SLC5A1: variants seen among roughly 807,000 people sequenced by gnomAD.
SLC5A1 encodes solute carrier family 5 member 1, also known as sodium/glucose cotransporter 1.
In SLC5A1, 42 loss-of-function variants were observed where a neutral mutation model predicts 73.5. That is an observed-to-expected ratio of 0.57 (90% CI 0.45 to 0.74). The LOEUF (loss-of-function observed/expected upper bound fraction) is 0.74, where lower values mean the gene tolerates loss of function less well. Ranked by LOEUF, SLC5A1 falls within the 30% of genes least tolerant of loss-of-function variation. The pLI, the probability that SLC5A1 is intolerant of heterozygous loss-of-function variation, is 0.00. For missense variants in SLC5A1, 634 were observed against 855.4 expected (o/e 0.74, Z 3.23); for synonymous variants, 300 against 317.4 (o/e 0.95, Z 0.58).
intron 1 of SLC5A1, among the ~76,000 whole-genome samples, chr22:32,048,389 G>A (rs2093939933): frequency 6.6e-6 from 1 of 152,172 alleles, no homozygotes; most frequent in African/African-American, 2.4e-5. Flanking sequence ...TCTGTGGGAG[G>A]AGCTGGTCAT....
At chr22:32,092,021 T>C (rs534952977) in intron 11 of SLC5A1, among the ~76,000 whole-genome samples, 1 of 152,320 alleles carries the variant, frequency 6.6e-6, no homozygotes, top group East Asian at 1.9e-4. Flanking sequence ...TAGTGGTGAT[T>C]TGTGAGATTT....
Position 32,066,654 on chromosome 22 carries a change from A to T in SLC5A1, c.208-281A>T, listed in dbSNP as rs540391874. 4.6e-5 allele frequency among the ~76,000 whole-genome samples: 7 copies of T among 152,334 alleles called. No homozygotes were observed. The East Asian group carries it at 1.3e-3, about 29-fold the overall frequency. Reference sequence around the variant, plus strand: ...TGGGACTTCCCATATCTTCTTCAGGATTGGACACGGGGCCCACAAAAGACT... The same window carrying T: ...TGGGACTTCCCATATCTTCTTCAGGTTTGGACACGGGGCCCACAAAAGACT... On this transcript the variant is annotated intron_variant, in intron 2 of 14. Transcript: ENST00000266088.
intron 5 of SLC5A1, among the ~76,000 whole-genome samples, chr22:32,073,398 T>G (rs2093985755): frequency 1.3e-5 from 2 of 152,190 alleles, no homozygotes; most frequent in African/African-American, 4.8e-5. Flanking sequence ...GTCTTGGAGT[T>G]GGGGCCAACA....
At chr22:32,090,828 G>A (rs2094016072) in intron 10 of SLC5A1, among the ~76,000 whole-genome samples, 1 of 151,982 alleles carries the variant, frequency 6.6e-6, no homozygotes, top group Admixed American at 6.5e-5. Context: ...TTTCTGCAGT[G>A]GCTGTACCAT....
intron 10 of SLC5A1, among the ~76,000 whole-genome samples, chr22:32,091,337 ACAC>A (rs1457377285): frequency 7.5e-6 from 1 of 132,834 alleles, no homozygotes; most frequent in Admixed American, 7.4e-5. Context: ...ACACACACAC[ACAC>A]ACCCCACCAC....
Position 32,112,252 on chromosome 22 carries a change from G to A in SLC5A1, c.*2039G>A, listed in dbSNP as rs2094058510. On this transcript the variant is annotated 3_prime_UTR_variant, in exon 15 of 15. Transcript: ENST00000266088. ...CCAGGGTCTTCAGAATTGAAGGAGAGATGTTGTATCACTGTTAGAAGGCTG... is the reference window on the plus strand; with the variant it reads ...CCAGGGTCTTCAGAATTGAAGGAGAAATGTTGTATCACTGTTAGAAGGCTG... 6.6e-6 allele frequency: 1 copy of A among 152,170 alleles called. No homozygotes were observed. Among genetic ancestry groups the A allele is most frequent in the African/African-American group, 2.4e-5 (1 of 41,438 alleles). 9.4% of individuals were successfully genotyped at this position (152,170 alleles called of 1,614,324 possible).
chr22:32,105,240 C>G (rs2094043513), intron 14 of SLC5A1, among the ~76,000 whole-genome samples: 4 of 152,138 alleles, frequency 2.6e-5, no homozygotes, highest in African/African-American at 9.7e-5. Flanking sequence ...GGTGTCCACC[C>G]CCTCAAGCAT....
At chr22:32,067,470 C>T (rs980691780) in intron 3 of SLC5A1, among the ~76,000 whole-genome samples, 1 of 151,892 alleles carries the variant, frequency 6.6e-6, no homozygotes, top group Non-Finnish European at 1.5e-5. Context: ...CTCCTGGGCT[C>T]AAGCGATGTT....
chr22:32,074,385 A>G lies in SLC5A1; in HGVS notation c.477+5785A>G, dbSNP rs535115525. Among the ~76,000 whole-genome samples, 13 of 152,296 alleles carry G rather than the reference A, an allele frequency of 8.5e-5. No individual in the cohort carries two copies. The East Asian group carries it at 2.5e-3, about 29-fold the overall frequency. ...TTCAGCTCAGATCTGGATGGAGCCCATCCCCGAGGAGCCCGCTTTTTCTAA... is the reference window on the plus strand; with the variant it reads ...TTCAGCTCAGATCTGGATGGAGCCCGTCCCCGAGGAGCCCGCTTTTTCTAA... On this transcript the variant is annotated intron_variant, in intron 5 of 14. Transcript: ENST00000266088.
chr22:32,090,770 T>C (rs1359223207), intron 10 of SLC5A1, among the ~76,000 whole-genome samples: 1 of 151,912 alleles, frequency 6.6e-6, no homozygotes, highest in Non-Finnish European at 1.5e-5. Flanking sequence ...ATGGGTAATA[T>C]GGTAGCTGAA....
In SLC5A1 at chr22:32,102,127, A is replaced by G. The variant is rs2094037531; in HGVS notation, c.1555A>G (p.Thr519Ala). ...CTGCATGGAGCCCAGCAACTGTCCCACGATTATCTGTGGGGTGCACTACTT... is the reference window on the plus strand; with the variant it reads ...CTGCATGGAGCCCAGCAACTGTCCCGCGATTATCTGTGGGGTGCACTACTT... The part of the protein sequence containing the change: ...GSCMEPSNCP[T>A]IICGVHYLYF... The change falls in exon 13 of 15, where the codon ACG becomes GCG. Residue 519 changes from threonine to alanine, a missense_variant. Thr to Ala is a moderately conservative substitution (Grantham distance 58). This residue lies in a region of SLC5A1 where 422 missense variants were observed against 626.1 expected (regional missense o/e 0.67). Coordinates refer to ENST00000266088, the MANE Select transcript of SLC5A1 (RefSeq NM_000343.4). 6.2e-7 allele frequency: 1 copy of G among 1,614,052 alleles called. No individual in the cohort carries two copies. The highest frequency in any genetic ancestry group is 8.5e-7 in the Non-Finnish European group (1 of 1,179,990).
rs1232515489 is a variant in SLC5A1, at chr22:32,112,435, C to G, written c.*2222C>G. 6.6e-6 allele frequency: 1 copy of G among 152,118 alleles called. No homozygotes were observed. Among genetic ancestry groups the G allele is most frequent in the African/African-American group, 2.4e-5 (1 of 41,414 alleles). The allele number at this position is 152,118 out of a possible 1,614,324, so 9.4% of individuals were successfully genotyped here. ...AGCTGTTGTAAAGATTAGGTGAGGT[C>G]AATTGATACTGCTTAAAAGGCCCGG... On this transcript the variant is annotated 3_prime_UTR_variant, in exon 15 of 15. Coordinates refer to ENST00000266088, the MANE Select transcript of SLC5A1 (RefSeq NM_000343.4).
intron 2 of SLC5A1, among the ~76,000 whole-genome samples, chr22:32,058,126 A>G (rs2093954653): frequency 6.6e-6 from 1 of 152,174 alleles, no homozygotes; most frequent in Non-Finnish European, 1.5e-5. Context: ...ACACACACCT[A>G]TGCATATATT....
rs16989869 is a variant in SLC5A1 at position 32,101,763 on chromosome 22, T to C, written c.1450-259T>C. On this transcript the variant is annotated intron_variant, in intron 12 of 14. Coordinates refer to ENST00000266088, the MANE Select transcript of SLC5A1 (RefSeq NM_000343.4). ...AGTTATTAGACACTTTACCCCATTA[T>C]ATTATGGCTCCTTGTTTAATGATCG... Among the ~76,000 whole-genome samples the C allele has an allele frequency of 5.5e-3, 840 of 152,300 alleles. 14 individuals are homozygous for C. The highest frequency in any genetic ancestry group is 0.019 in the African/African-American group (789 of 41,566).
intron 5 of SLC5A1, among the ~76,000 whole-genome samples, chr22:32,079,525 C>T (rs934942667): frequency 6.6e-6 from 1 of 152,130 alleles, no homozygotes; most frequent in Non-Finnish European, 1.5e-5. Flanking sequence ...CTAATGACAG[C>T]AAGGCACATA....
In SLC5A1 at chr22:32,078,464, TACCATGTTG is replaced by T. The variant is rs1368513350; in HGVS notation, c.478-3401_478-3393del. On this transcript the variant is annotated intron_variant, in intron 5 of 14. Coordinates refer to ENST00000266088, the MANE Select transcript of SLC5A1 (RefSeq NM_000343.4). ...TGTATTTTTAGTAGAGACAGGGTTT[TACCATGTTG>T]GCCAGGCTGGTGTCTCAAACTCCTG... Among the ~76,000 whole-genome samples the T allele has an allele frequency of 2.0e-5, 3 of 151,914 alleles. No individual in the cohort carries two copies. The East Asian group carries it at 5.8e-4, about 29-fold the overall frequency.
intron 13 of SLC5A1, 68 bp from the exon 14 acceptor site, chr22:32,104,717 GC>G (rs201317467): frequency 2.5e-6 from 3 of 1,195,120 alleles, no homozygotes; most frequent in Non-Finnish European, 3.7e-6. Context: ...ATATCTCTTT[GC>G]CCCCCCAACT....
At chr22:32,109,471 G>A (rs143661437) in intron 14 of SLC5A1, among the ~76,000 whole-genome samples, 292 of 152,262 alleles carry the variant, frequency 1.9e-3, no homozygotes, top group Non-Finnish European at 5.0e-4. Flanking sequence ...TTGCTGCGCC[G>A]CAACAGGAGC....
At chr22:32,092,618 T>A (rs192525950) in intron 11 of SLC5A1, among the ~76,000 whole-genome samples, 7 of 152,330 alleles carry the variant, frequency 4.6e-5, no homozygotes, top group South Asian at 2.1e-4. Context: ...CTATTTTTTT[T>A]ATTTCTAAAT....
Sources: gnomAD v4.1 joint callset for allele counts (sites outside exome capture counted in the v4.1 genomes callset) on GRCh38, gnomAD v4.1.1 for gene constraint, gnomAD v4.1.1 regional missense constraint, MANE v1.5 for transcripts, NCBI Gene and HGNC (gene_info 2026-07-23, HGNC 2026-07-21) for gene names.